Variants in PVALEF observed in about 807,000 individuals in gnomAD.
The protein encoded by PVALEF is parvalbumin like EF-hand containing, also known as parvalbumin-like EF-hand-containing protein.
A neutral mutation model predicts 1.2 loss-of-function variants in PVALEF; 2 were observed. The observed-to-expected ratio is 1.68, with a 90% CI of 0.69 to 5.28. The LOEUF (loss-of-function observed/expected upper bound fraction) is 5.28. Among genes scored for constraint, PVALEF ranks in the 30% most tolerant of loss-of-function variants. The pLI is 0.06. For missense variants in PVALEF, 35 were observed against 17.7 expected (o/e 1.97, Z -1.75); for synonymous variants, 16 against 6.5 (o/e 2.47, Z -2.24).
chr17:81,172,084 T>C (rs939894526), intron 2 of PVALEF, among the ~76,000 whole-genome samples: 2 of 152,332 alleles, frequency 1.3e-5, no homozygotes, highest in African/African-American at 4.8e-5. Context: ...AGTGGGATGT[T>C]CCTCCCAAGG....
chr17:81,177,240 CAAAA>C lies in PVALEF; in HGVS notation c.-339-1659_-339-1656del, dbSNP rs1163157496. ...CCGCACCAGGCTTGAAACTCCATCT[CAAAA>C]AAAAAAAAAAAAAAAAAAGGCAGCC... On this transcript the variant is annotated intron_variant, in intron 2 of 6. Coordinates refer to ENST00000637878, the MANE Select transcript of PVALEF (RefSeq NM_001354639.2). Among the ~76,000 whole-genome samples, 26 of 74,030 alleles carry C rather than the reference CAAAA, an allele frequency of 3.5e-4. 1 individual carries two copies. Among genetic ancestry groups the C allele is most frequent in the African/African-American group, 7.1e-4 (13 of 18,406 alleles). 48.6% of individuals were successfully genotyped at this position (74,030 alleles called of 152,430 possible).
chr17:81,166,471 C>T (rs1288595382), intron 1 of PVALEF, among the ~76,000 whole-genome samples: 4 of 91,852 alleles, frequency 4.4e-5, no homozygotes, highest in African/African-American at 1.3e-4. Context: ...GGAAGCACGG[C>T]GGCCTGGGGC....
intron 6 of PVALEF, 129 bp downstream of exon 6, chr17:81,182,210 C>A: frequency 2.5e-6 from 1 of 396,514 alleles, no homozygotes; most frequent in South Asian, 1.4e-4. Context: ...GCTCAGGGGT[C>A]TGGGCCGGGA....
In PVALEF at chr17:81,165,723, G is replaced by T. The variant is rs1298594444; in HGVS notation, c.-532G>T. ...GCCACGGAGTCACGACCACGCGGGG[G>T]ACGCCAGCCCACAGGCGGAGGCCGG... On this transcript the variant is annotated 5_prime_UTR_variant, in exon 1 of 7. Transcript: ENST00000637878. The T allele has an allele frequency of 6.6e-7, 1 of 1,523,378 alleles. No individual in the cohort carries two copies. Among genetic ancestry groups the T allele is most frequent in the Non-Finnish European group, 8.8e-7 (1 of 1,137,916 alleles). 94.4% of individuals were successfully genotyped at this position (1,523,378 alleles called of 1,614,324 possible). A position where few individuals can be genotyped will look rare whatever the true frequency, so the allele number is the denominator to read the frequency against.
intron 3 of PVALEF, among the ~76,000 whole-genome samples, chr17:81,179,781 C>T (rs887890324): frequency 2.0e-5 from 3 of 152,174 alleles, no homozygotes; most frequent in African/African-American, 4.8e-5. Flanking sequence ...GGGAATGGCC[C>T]GGAGCAGGGC....
Position 81,171,634 on chromosome 17 carries a change from G to A in PVALEF, c.-340+4790G>A, listed in dbSNP as rs558200113. Among the ~76,000 whole-genome samples the A allele has an allele frequency of 6.6e-5, 10 of 152,178 alleles. No homozygotes were observed. In the East Asian group the frequency reaches 1.9e-3, roughly 29 times the overall value. On this transcript the variant is annotated intron_variant, in intron 2 of 6. Coordinates refer to ENST00000637878, the MANE Select transcript of PVALEF (RefSeq NM_001354639.2). Reference sequence around the variant, plus strand: ...AGCCTCCCAAGTAGCTGGGACTACAGGCGCCCACCACCACACCCGGCTAAT... The same window carrying A: ...AGCCTCCCAAGTAGCTGGGACTACAAGCGCCCACCACCACACCCGGCTAAT...
chr17:81,180,932 CT>C (rs1429592850), intron 3 of PVALEF, among the ~76,000 whole-genome samples, 190 bp from the exon 4 acceptor site: 8 of 152,200 alleles, frequency 5.3e-5, no homozygotes, highest in Non-Finnish European at 7.4e-5. Context: ...CCAACCCCCC[CT>C]GGGGACGGCA....
chr17:81,180,068 TA>T (rs2061548535), intron 3 of PVALEF, among the ~76,000 whole-genome samples: 1 of 152,036 alleles, frequency 6.6e-6, no homozygotes, highest in Non-Finnish European at 1.5e-5. Flanking sequence ...GAGCTATAAA[TA>T]AACCAGCAGC....
At chr17:81,177,133 G>A (rs948287656) in intron 2 of PVALEF, among the ~76,000 whole-genome samples, 2 of 148,214 alleles carry the variant, frequency 1.3e-5, no homozygotes, top group African/African-American at 4.9e-5. Context: ...CACCATGTTG[G>A]CCAGGCTGGT....
At chr17:81,174,607 A>G (rs2061530702) in intron 2 of PVALEF, among the ~76,000 whole-genome samples, 1 of 146,758 alleles carries the variant, frequency 6.8e-6, no homozygotes, top group Non-Finnish European at 1.5e-5. Flanking sequence ...TCCAGCCTGC[A>G]CAACAGAGCA....
chr17:81,174,644 G>C (rs914848744), intron 2 of PVALEF, among the ~76,000 whole-genome samples: 1 of 140,914 alleles, frequency 7.1e-6, no homozygotes, highest in Admixed American at 7.2e-5. Flanking sequence ...AAAAAAGAAA[G>C]AAAAATGTCT....
chr17:81,179,771 G>A (rs117755414), intron 3 of PVALEF, among the ~76,000 whole-genome samples: 4,189 of 152,302 alleles, frequency 0.028, 103 homozygotes, highest in Non-Finnish European at 0.041. Flanking sequence ...ATGGAAGGTC[G>A]GGAATGGCCC....
At chr17:81,178,047 TCTC>T (rs1342342878) in intron 2 of PVALEF, among the ~76,000 whole-genome samples, 1 of 152,098 alleles carries the variant, frequency 6.6e-6, no homozygotes, top group Non-Finnish European at 1.5e-5. Flanking sequence ...ACTGGATTCG[TCTC>T]CTCATCTCCT....
chr17:81,169,986 ATG>A (rs145155506), intron 2 of PVALEF, among the ~76,000 whole-genome samples: 38,509 of 148,614 alleles, frequency 0.26, 5,272 homozygotes, highest in African/African-American at 0.29. Flanking sequence ...ATGTGTGTGC[ATG>A]TGTGTGTGTT....
In PVALEF at chr17:81,165,547, C is replaced by A. The variant is rs1406102701; in HGVS notation, c.-708C>A. 5 of 986,322 alleles carry A rather than the reference C, an allele frequency of 5.1e-6. No homozygotes were observed. Among genetic ancestry groups the A allele is most frequent in the South Asian group, 1.4e-5 (1 of 73,192 alleles). The allele number at this position is 986,322 out of a possible 1,614,324, so 61.1% of individuals were successfully genotyped here. ...TGGGAAGAAGCCTCCCACGCCAGGG[C>A]CCCGGACCCAGGAGAGGCCATGGAA... On this transcript the variant is annotated 5_prime_UTR_variant, in exon 1 of 7. Transcript: ENST00000637878.
At chr17:81,179,598 G>T (rs1418805928) in intron 3 of PVALEF, among the ~76,000 whole-genome samples, 1 of 152,152 alleles carries the variant, frequency 6.6e-6, no homozygotes, top group African/African-American at 2.4e-5. Context: ...GACTCCAGCA[G>T]GCACACAGAG....
At chr17:81,182,105 C>A (rs951488183) in intron 6 of PVALEF, 24 bp downstream of exon 6, 107 of 398,524 alleles carry the variant, frequency 2.7e-4, no homozygotes, top group Admixed American at 1.0e-3. Flanking sequence ...AGCCGGGGCA[C>A]CCTCAGGACC....
At chr17:81,166,221 C>T (rs1391166279) in intron 1 of PVALEF, 1 of 138,416 alleles carries the variant, frequency 7.2e-6, no homozygotes, top group Non-Finnish European at 1.5e-5. Context: ...TGGTGCAGTC[C>T]GAAAACGCGG....
At chr17:81,174,397 G>A (rs1453065391) in intron 2 of PVALEF, among the ~76,000 whole-genome samples, 1 of 152,194 alleles carries the variant, frequency 6.6e-6, no homozygotes, top group African/African-American at 2.4e-5. Context: ...GGGAGGCCAA[G>A]GCAGGTGGAT....
Sources: gnomAD v4.1 joint callset for allele counts (sites outside exome capture counted in the v4.1 genomes callset) on GRCh38, gnomAD v4.1.1 for gene constraint, MANE v1.5 for transcripts, NCBI Gene and HGNC (gene_info 2026-07-23, HGNC 2026-07-21) for gene names.